The following PPP4R4 variants were observed in gnomAD, a reference collection of about 807,000 sequenced individuals.
The protein encoded by PPP4R4 is serine/threonine-protein phosphatase 4 regulatory subunit 4.
PPP4R4 carries 70 observed loss-of-function variants against 121.8 expected under a neutral mutation model. That is an observed-to-expected ratio of 0.57 (90% CI 0.47 to 0.70). PPP4R4 has a LOEUF of 0.70. PPP4R4 is among the 30% of genes least tolerant of loss of function. The pLI is 0.00. For missense variants in PPP4R4, 875 were observed against 1,033.6 expected (o/e 0.85, Z 2.10); for synonymous variants, 348 against 355.7 (o/e 0.98, Z 0.24).
chr14:94,264,113 T>C (rs1166417995), intron 19 of PPP4R4, among the ~76,000 whole-genome samples: 4 of 152,140 alleles, frequency 2.6e-5, no homozygotes, highest in African/African-American at 4.8e-5. Flanking sequence ...AGCTATGAAT[T>C]TGTATACCTA....
At chr14:94,214,521 G>GAA (rs199924007) in intron 3 of PPP4R4, among the ~76,000 whole-genome samples, 6 of 147,028 alleles carry the variant, frequency 4.1e-5, no homozygotes, top group South Asian at 2.1e-4. Context: ...AAAAAAAACA[G>GAA]AAAAAAAAAG....
At chr14:94,181,001 A>G (rs563818680) in intron 2 of PPP4R4, among the ~76,000 whole-genome samples, 1 of 151,940 alleles carries the variant, frequency 6.6e-6, no homozygotes, top group South Asian at 2.1e-4. Context: ...GTAAGGAAGA[A>G]CTCCAGTGAT....
intron 2 of PPP4R4, among the ~76,000 whole-genome samples, chr14:94,176,336 T>C (rs2139365994): frequency 6.6e-6 from 1 of 152,366 alleles, no homozygotes; most frequent in East Asian, 1.9e-4. Flanking sequence ...ACCTAATTTA[T>C]AGAATGTTGC....
In PPP4R4 at chr14:94,275,481, A is replaced by T; in HGVS notation, c.2557A>T (p.Ser853Cys). The T allele has an allele frequency of 6.2e-7, 1 of 1,614,076 alleles. No homozygotes were observed. Among genetic ancestry groups the T allele is most frequent in the East Asian group, 2.2e-5 (1 of 44,862 alleles). ...RGTGNSVDPK[S>C]SGSKDTQPRK... ...GACAGGTAACTCAGTTGACCCCAAGAGCAGTGGAAGTAAAGATACACAACC... is the reference window on the plus strand; with the variant it reads ...GACAGGTAACTCAGTTGACCCCAAGTGCAGTGGAAGTAAAGATACACAACC... Residue 853 changes from serine (S) to cysteine (C), a missense_variant, in exon 24 of 25, where the codon AGC becomes TGC. By Grantham distance (112) the Ser-to-Cys change is moderately radical. Coordinates refer to ENST00000304338, the MANE Select transcript of PPP4R4 (RefSeq NM_058237.2).
intron 5 of PPP4R4, among the ~76,000 whole-genome samples, chr14:94,231,774 A>G (rs1463785481): frequency 6.6e-6 from 1 of 152,128 alleles, no homozygotes; most frequent in East Asian, 1.9e-4. Context: ...TTTTCAGATA[A>G]TTTAATTGTA....
intron 10 of PPP4R4, 139 bp from the exon 11 acceptor site, chr14:94,242,150 G>T (rs750668618): frequency 4.1e-6 from 5 of 1,230,120 alleles, no homozygotes; most frequent in Non-Finnish European, 5.7e-6. Flanking sequence ...ACACATATTT[G>T]GATCTTCCAA....
At chr14:94,244,087 CA>C (rs1340348638) in intron 11 of PPP4R4, among the ~76,000 whole-genome samples, 2 of 151,702 alleles carry the variant, frequency 1.3e-5, no homozygotes, top group South Asian at 2.1e-4. Flanking sequence ...AAGGAGGAGA[CA>C]AAAAAACTAC....
At chr14:94,247,157 G>T (rs1041697467) in intron 14 of PPP4R4, among the ~76,000 whole-genome samples, 5 of 152,218 alleles carry the variant, frequency 3.3e-5, no homozygotes, top group Admixed American at 3.3e-4. Flanking sequence ...TTTTTTCACA[G>T]AAATTTCCAA....
chr14:94,233,633 T>C lies in PPP4R4; in HGVS notation c.517-20T>C. On this transcript the variant is annotated intron_variant, in intron 5 of 24. Coordinates refer to ENST00000304338, the MANE Select transcript of PPP4R4 (RefSeq NM_058237.2). ...ATGTATAAAATTTTGTGAATTTTTT[T>C]CTCTAAATTTTCTCTTTAGATTTTG... is the stretch of plus-strand genomic sequence containing the variant. 6.7e-7 allele frequency: 1 copy of C among 1,487,948 alleles called. No individual in the cohort carries two copies. Among genetic ancestry groups the C allele is most frequent in the East Asian group, 2.3e-5 (1 of 43,934 alleles). 92.2% of individuals were successfully genotyped at this position (1,487,948 alleles called of 1,614,324 possible).
chr14:94,190,940 C>CA (rs1889564048), intron 2 of PPP4R4, among the ~76,000 whole-genome samples: 1 of 150,412 alleles, frequency 6.6e-6, no homozygotes, highest in African/African-American at 2.4e-5. Context: ...CCTACATATA[C>CA]AGACACGTTT....
At position 94,237,549 on chromosome 14, in the gene PPP4R4, A is replaced by G. The variant is rs766681419; in HGVS notation, c.732-16A>G. The G allele has an allele frequency of 6.2e-7, 1 of 1,601,720 alleles. No homozygotes were observed. The highest frequency in any genetic ancestry group is 8.5e-7 in the Non-Finnish European group (1 of 1,171,448). On this transcript the variant is annotated splice_polypyrimidine_tract_variant and intron_variant, in intron 7 of 24. Coordinates refer to ENST00000304338, the MANE Select transcript of PPP4R4 (RefSeq NM_058237.2). ...TTATTGATTTGATTTATTTTCTTCT[A>G]TTGCTTATTGTGCAGGACAGAACTT...
intron 2 of PPP4R4, among the ~76,000 whole-genome samples, chr14:94,201,356 ATAGTTT>A (rs148355554): frequency 0.019 from 2,907 of 152,218 alleles, 88 homozygotes; most frequent in African/African-American, 0.066. Context: ...GTTCTAGGGT[ATAGTTT>A]AAGTCCATTG....
At chr14:94,196,200 G>T (rs1283257102) in intron 2 of PPP4R4, among the ~76,000 whole-genome samples, 14 of 121,878 alleles carry the variant, frequency 1.1e-4, no homozygotes, top group Admixed American at 2.5e-4. Flanking sequence ...TCCTTCCCTT[G>T]CTTTGGTTTT....
chr14:94,184,505 T>C (rs1889156312), intron 2 of PPP4R4, among the ~76,000 whole-genome samples: 1 of 152,162 alleles, frequency 6.6e-6, no homozygotes, highest in African/African-American at 2.4e-5. Context: ...GTGATCCACC[T>C]GCCTCAACCC....
intron 2 of PPP4R4, among the ~76,000 whole-genome samples, chr14:94,202,216 G>T (rs1890228679): frequency 6.6e-6 from 1 of 152,068 alleles, no homozygotes; most frequent in African/African-American, 2.4e-5. Flanking sequence ...CACTGCTTGG[G>T]TGATAGGTGC....
chr14:94,234,771 T>C, intron 7 of PPP4R4, 102 bp downstream of exon 7: 2 of 820,342 alleles, frequency 2.4e-6, no homozygotes, highest in Non-Finnish European at 4.0e-6. Flanking sequence ...CTCCTCTATG[T>C]CTGGATTAAA....
chr14:94,192,433 T>C (rs1397412614), intron 2 of PPP4R4, among the ~76,000 whole-genome samples: 1 of 152,206 alleles, frequency 6.6e-6, no homozygotes, highest in Non-Finnish European at 1.5e-5. Flanking sequence ...ATTTATTTTG[T>C]TCTATTCATT....
intron 2 of PPP4R4, among the ~76,000 whole-genome samples, chr14:94,186,507 A>C (rs1889293304): frequency 6.6e-6 from 1 of 152,154 alleles, no homozygotes; most frequent in African/African-American, 2.4e-5. Context: ...TCATCAGTTG[A>C]TGGACATTTG....
chr14:94,231,784 A>G (rs1357655170), intron 5 of PPP4R4, among the ~76,000 whole-genome samples: 1 of 152,174 alleles, frequency 6.6e-6, no homozygotes, highest in Non-Finnish European at 1.5e-5. Flanking sequence ...ATTTAATTGT[A>G]GCTTTCAAAC....
Sources: gnomAD v4.1 joint callset for allele counts (sites outside exome capture counted in the v4.1 genomes callset) on GRCh38, gnomAD v4.1.1 for gene constraint, MANE v1.5 for transcripts, NCBI Gene and HGNC (gene_info 2026-07-23, HGNC 2026-07-21) for gene names.